The following LRFN2 variants were observed in gnomAD, a reference collection of about 807,000 sequenced individuals.
LRFN2 encodes leucine-rich repeat and fibronectin type-III domain-containing protein 2.
LRFN2 carries 18 observed loss-of-function variants against 37.3 expected under a neutral mutation model. The observed-to-expected ratio is 0.48, with a 90% CI of 0.33 to 0.72. The LOEUF (loss-of-function observed/expected upper bound fraction) is 0.72. Ranked by LOEUF, LRFN2 falls within the 30% of genes least tolerant of loss-of-function variation. The pLI is 0.02. For missense variants in LRFN2, 1,006 were observed against 1,060.7 expected, an observed-to-expected ratio of 0.95 and a Z score of 0.72; for synonymous variants, 556 against 466.6, an observed-to-expected ratio of 1.19 and a Z score of -2.47.
intron 1 of LRFN2, among the ~76,000 whole-genome samples, chr6:40,475,302 C>G (rs551386908): frequency 6.6e-6 from 1 of 152,100 alleles, no homozygotes; most frequent in Non-Finnish European, 1.5e-5. Flanking sequence ...AGGATGTGAG[C>G]CCAGTAGGGC....
intron 2 of LRFN2, among the ~76,000 whole-genome samples, chr6:40,397,733 C>T (rs1762644878): frequency 6.6e-6 from 1 of 152,162 alleles, no homozygotes; most frequent in Non-Finnish European, 1.5e-5. Context: ...TGTAAAGAGG[C>T]AAGAGGGTAT....
At chr6:40,581,452 G>A (rs1767400327) in intron 1 of LRFN2, among the ~76,000 whole-genome samples, 1 of 152,154 alleles carries the variant, frequency 6.6e-6, no homozygotes, top group African/African-American at 2.4e-5. Flanking sequence ...CTGCACCCCA[G>A]CAAGCATTCT....
rs754167699 is a variant in LRFN2 at position 40,432,274 on chromosome 6, A to T, written c.840T>A (p.Arg280=). The change falls in exon 2 of 3, where the codon CGT becomes CGA. Residue 280 remains arginine (R), a synonymous_variant. Coordinates refer to ENST00000338305, the MANE Select transcript of LRFN2 (RefSeq NM_020737.3). ...GCGGCTCGCACACAAACTCCTCCTCACGCACATGCCAGAAGTAGCGACCCT... is the reference window on the plus strand; with the variant it reads ...GCGGCTCGCACACAAACTCCTCCTCTCGCACATGCCAGAAGTAGCGACCCT... The part of the protein sequence containing the change: ...GLKGRYFWHV[R]EEEFVCEPPL... 2.5e-6 allele frequency: 4 copies of T among 1,614,002 alleles called. No homozygotes were observed. The Admixed American group carries it at 5.0e-5, about 20-fold the overall frequency.
intron 1 of LRFN2, among the ~76,000 whole-genome samples, chr6:40,484,511 T>C (rs2113865734): frequency 6.6e-6 from 1 of 152,284 alleles, no homozygotes; most frequent in South Asian, 2.1e-4. Flanking sequence ...CAGATCCTGA[T>C]TCAGGGAGTC....
At chr6:40,405,786 C>T (rs913420482) in intron 2 of LRFN2, among the ~76,000 whole-genome samples, 2 of 152,162 alleles carry the variant, frequency 1.3e-5, no homozygotes, top group African/African-American at 4.8e-5. Context: ...AAAGGCCTGG[C>T]TGAGCAATGG....
intron 1 of LRFN2, among the ~76,000 whole-genome samples, chr6:40,519,957 G>A (rs1344404992): frequency 6.6e-6 from 1 of 152,182 alleles, no homozygotes; most frequent in Non-Finnish European, 1.5e-5. Flanking sequence ...GCATGGAAGG[G>A]CATTTCAGGC....
chr6:40,579,613 A>AACACACACAC (rs34819147), intron 1 of LRFN2, among the ~76,000 whole-genome samples: 2,085 of 145,040 alleles, frequency 0.014, 50 homozygotes, highest in African/African-American at 0.048. Context: ...AACACACACA[A>AACACACACAC]ACACACACAC....
rs769620701 is a variant in LRFN2, at chr6:40,392,260, C to G, written c.2053G>C (p.Gly685Arg). The change falls in exon 3 of 3, where the codon GGG (glycine) becomes CGG (arginine). Residue 685 changes from glycine to arginine, a missense_variant. Gly to Arg is a moderately radical substitution (Grantham distance 125). Coordinates refer to ENST00000338305, the MANE Select transcript of LRFN2 (RefSeq NM_020737.3). This position sits in a 1 kb window ranked among gnomAD's most constrained non-coding sequence, Gnocchi z 4.7. ...DSRTPAGRGA[G>R]TSARGHHSDR... ...GAGTGGTGGCCCCGGGCCGACGTCC[C>G]AGCCCCTCTCCCGGCTGGAGTCCTG... The G allele has an allele frequency of 1.9e-5, 30 of 1,593,570 alleles. No individual in the cohort carries two copies. In the Admixed American group the frequency reaches 1.9e-4, roughly 10 times the overall value.
At chr6:40,507,993 C>G (rs1334766728) in intron 1 of LRFN2, among the ~76,000 whole-genome samples, 1 of 152,132 alleles carries the variant, frequency 6.6e-6, no homozygotes, top group Non-Finnish European at 1.5e-5. Context: ...GGTGAGGAAA[C>G]TGAGGCAGGG....
chr6:40,436,455 C>G (rs539543023), intron 1 of LRFN2, among the ~76,000 whole-genome samples: 8 of 152,184 alleles, frequency 5.3e-5, no homozygotes, highest in African/African-American at 1.9e-4. Flanking sequence ...TTGTCCTTTA[C>G]AGAAAGAGTT....
chr6:40,548,025 A>T (rs1156528336), intron 1 of LRFN2, among the ~76,000 whole-genome samples: 2 of 152,224 alleles, frequency 1.3e-5, no homozygotes, highest in African/African-American at 2.4e-5. Context: ...AGAAGGCATC[A>T]TCTTTATTAA....
At position 40,424,993 on chromosome 6, in the gene LRFN2, G is replaced by T. The variant is rs147732351; in HGVS notation, c.1400+6721C>A. On this transcript the variant is annotated intron_variant, in intron 2 of 2. Transcript: ENST00000338305. ...GCCCCACTGAGGTGTGGAGTGGTAA[G>T]GTCCTGATGGGGTGAAAACTTGCTG... Among the ~76,000 whole-genome samples, 10 of 152,336 alleles carry T rather than the reference G, an allele frequency of 6.6e-5. No individual in the cohort carries two copies. The East Asian group carries it at 1.9e-3, about 29-fold the overall frequency.
chr6:40,525,611 G>A (rs1341323685), intron 1 of LRFN2, among the ~76,000 whole-genome samples: 2 of 152,166 alleles, frequency 1.3e-5, no homozygotes, highest in Admixed American at 6.5e-5. Flanking sequence ...AACTTTATGA[G>A]CAAAGAGAAC....
chr6:40,509,435 G>A (rs1365812583), intron 1 of LRFN2, among the ~76,000 whole-genome samples: 2 of 152,256 alleles, frequency 1.3e-5, no homozygotes, highest in Admixed American at 6.5e-5. Context: ...AGTGGGTCAT[G>A]CCCAGCATTG....
intron 1 of LRFN2, among the ~76,000 whole-genome samples, chr6:40,502,907 T>C (rs1172053881): frequency 6.6e-6 from 1 of 152,202 alleles, no homozygotes; most frequent in Non-Finnish European, 1.5e-5. Flanking sequence ...ACAGTTGTCA[T>C]AGAACCACAA....
At chr6:40,561,733 C>T (rs1034879847) in intron 1 of LRFN2, among the ~76,000 whole-genome samples, 7 of 152,244 alleles carry the variant, frequency 4.6e-5, no homozygotes, top group Middle Eastern at 3.4e-3. Context: ...AAAACAGGAG[C>T]CCCGCTTAAT....
chr6:40,537,853 C>T (rs1431698877), intron 1 of LRFN2, among the ~76,000 whole-genome samples: 1 of 152,010 alleles, frequency 6.6e-6, no homozygotes, highest in South Asian at 2.1e-4. Flanking sequence ...AGCACAGGAC[C>T]CCTCCCAGCC....
chr6:40,577,100 T>TCTCTTCTCTTCTC (rs1561913888), intron 1 of LRFN2, among the ~76,000 whole-genome samples: 2 of 119,470 alleles, frequency 1.7e-5, no homozygotes, highest in Admixed American at 8.1e-5. Context: ...TTTCTTTTCT[T>TCTCTTCTCTTCTC]TTCCTTTCTT....
intron 1 of LRFN2, among the ~76,000 whole-genome samples, chr6:40,461,990 C>T (rs1199177551): frequency 6.6e-6 from 1 of 152,182 alleles, no homozygotes; most frequent in Non-Finnish European, 1.5e-5. Flanking sequence ...ACAAGTCTTG[C>T]TGGACCTCTT....
Sources: allele counts gnomAD v4.1 joint callset (sites outside exome capture counted in the v4.1 genomes callset), GRCh38; gene constraint gnomAD v4.1.1; non-coding constraint Gnocchi (gnomAD v3.1); transcripts MANE v1.5; gene names NCBI Gene and HGNC (gene_info 2026-07-23, HGNC 2026-07-21).